Variants in BPI observed in about 807,000 individuals in gnomAD.
BPI encodes the protein bactericidal permeability increasing protein.
In BPI, 48 loss-of-function variants were observed where a neutral mutation model predicts 57.6. That is an observed-to-expected ratio of 0.83 (90% CI 0.66 to 1.06). BPI has a LOEUF of 1.06. BPI is among the 50% of genes least tolerant of loss of function. The pLI, the probability that BPI is intolerant of heterozygous loss-of-function variation, is 0.00. For synonymous variants in BPI, 237 were observed against 238.2 expected, an observed-to-expected ratio of 0.99 and a Z score of 0.05; for missense variants, 651 against 609.7, an observed-to-expected ratio of 1.07 and a Z score of -0.71.
intron 12 of BPI, 22 bp downstream of exon 12, chr20:38,331,112 G>A (rs1305733743): frequency 6.2e-7 from 1 of 1,612,910 alleles, no homozygotes; most frequent in East Asian, 2.2e-5. Context: ...GCCCTTGGTG[G>A]CTTCTTCCTC....
chr20:38,318,524 G>T lies in BPI; in HGVS notation c.664+48G>T, dbSNP rs138046146. The T allele has an allele frequency of 1.8e-3, 2,923 of 1,589,480 alleles. 44 individuals are homozygous for T. The African/African-American group carries it at 0.033, about 18-fold the overall frequency. ...GGATAGAAAGGAACAGAAATGGGAG[G>T]GGGTGAGGACGTCAGGGTGGATGTG... On this transcript the variant is annotated intron_variant, in intron 6 of 14. Coordinates refer to ENST00000642449, the MANE Select transcript of BPI (RefSeq NM_001725.3).
At chr20:38,330,903 G>C (rs1441762385) in intron 11 of BPI, 145 bp from the exon 12 acceptor site, 1 of 871,198 alleles carries the variant, frequency 1.1e-6, no homozygotes, top group East Asian at 2.5e-5. Context: ...GCAACATCGG[G>C]GGGCTGTGAC....
chr20:38,304,358 C>T lies in BPI; in HGVS notation c.130+5C>T. ...CCCAGAAGGGCCTGGACTACGGTAA[C>T]TGGATGCCTCCCTTCCCTCCTCTCC... On this transcript the variant is annotated splice_donor_5th_base_variant and intron_variant, in intron 1 of 14. Coordinates refer to ENST00000642449, the MANE Select transcript of BPI (RefSeq NM_001725.3). The T allele has an allele frequency of 6.2e-7, 1 of 1,612,554 alleles. No individual in the cohort carries two copies. The highest frequency in any genetic ancestry group is 8.5e-7 in the Non-Finnish European group (1 of 1,179,964).
chr20:38,305,424 C>A (rs546264142), intron 1 of BPI, among the ~76,000 whole-genome samples: 1 of 152,300 alleles, frequency 6.6e-6, no homozygotes, highest in South Asian at 2.1e-4. Context: ...TTCTGAAATG[C>A]AGCAAATCCC....
Position 38,337,211 on chromosome 20 carries a change from A to G in BPI, c.*27A>G. 1 of 1,576,020 alleles carries G rather than the reference A, an allele frequency of 6.3e-7. No individual in the cohort carries two copies. The highest frequency in any genetic ancestry group is 1.2e-5 in the South Asian group (1 of 85,316). On this transcript the variant is annotated 3_prime_UTR_variant, in exon 15 of 15. Transcript: ENST00000642449. ...GGCACCAGGGGTGCCGGGGGCTGTC[A>G]GCCACACCTGTTCCTGATGGGCTGT...
At chr20:38,317,665 A>G (rs1400820763) in intron 5 of BPI, 1 of 766,084 alleles carries the variant, frequency 1.3e-6, no homozygotes. Context: ...TTCTAGTGGC[A>G]AGTTCACAGA....
intron 1 of BPI, among the ~76,000 whole-genome samples, chr20:38,306,723 G>A (rs895493857): frequency 5.9e-5 from 9 of 152,202 alleles, no homozygotes; most frequent in South Asian, 2.1e-4. Flanking sequence ...CTGTGGGGGT[G>A]TAGCATAGAG....
chr20:38,320,262 T>C lies in BPI; in HGVS notation c.744T>C (p.Asp248=), dbSNP rs146977942. 1.8e-5 allele frequency: 29 copies of C among 1,613,846 alleles called. No individual in the cohort carries two copies. The African/African-American group carries it at 3.3e-4, about 19-fold the overall frequency. Residue 248 remains aspartate (D), a synonymous_variant, in exon 7 of 15, where the codon GAT becomes GAC. Coordinates refer to ENST00000642449, the MANE Select transcript of BPI (RefSeq NM_001725.3). ...APPATTAETL[D]VQMKGEFYSE... is the part of the protein sequence containing the mutation. ...CAGCAACCACGGCTGAGACCCTGGA[T>C]GTACAGATGAAGGTGAGGCTGACAC...
rs570363711 is a variant in BPI at position 38,321,372 on chromosome 20, C to T, written c.756+1098C>T. ...ACCACCCTCCAACCAGACACACTGG[C>T]CTTACACTTCCTCAAATAGGTTAAG... On this transcript the variant is annotated intron_variant, in intron 7 of 14. Coordinates refer to ENST00000642449, the MANE Select transcript of BPI (RefSeq NM_001725.3). Among the ~76,000 whole-genome samples the T allele has an allele frequency of 3.3e-5, 5 of 152,126 alleles. No homozygotes were observed. The South Asian group carries it at 1.0e-3, about 32-fold the overall frequency.
rs185095247 is a variant in BPI, at chr20:38,326,237, C to T, written c.994-28C>T. 250 of 1,591,766 alleles carry T rather than the reference C, an allele frequency of 1.6e-4. No homozygotes were observed. In the African/African-American group the frequency reaches 2.9e-3, roughly 19 times the overall value. ...ACATTTTAACAGAAACTCCTCCTTTCGTTGATTGTCTCCACTGGGGGCTGC... is the reference window on the plus strand; with the variant it reads ...ACATTTTAACAGAAACTCCTCCTTTTGTTGATTGTCTCCACTGGGGGCTGC... On this transcript the variant is annotated intron_variant, in intron 9 of 14. Transcript: ENST00000642449.
intron 12 of BPI, among the ~76,000 whole-genome samples, chr20:38,331,914 T>C (rs1304825140): frequency 6.7e-6 from 1 of 149,418 alleles, no homozygotes; most frequent in East Asian, 2.0e-4. Flanking sequence ...AAAGCGGGGA[T>C]GGGCGGAAAG....
intron 5 of BPI, among the ~76,000 whole-genome samples, chr20:38,312,595 T>A (rs2076627027): frequency 6.6e-6 from 1 of 152,240 alleles, no homozygotes; most frequent in South Asian, 2.1e-4. Flanking sequence ...TGGAAGCCAC[T>A]GAAGGTTTTA....
Position 38,304,160 on chromosome 20 carries a change from T to C in BPI, c.-64T>C. The C allele has an allele frequency of 1.9e-6, 3 of 1,606,380 alleles. No homozygotes were observed. Among genetic ancestry groups the C allele is most frequent in the Non-Finnish European group, 2.6e-6 (3 of 1,174,410 alleles). On this transcript the variant is annotated 5_prime_UTR_variant, in exon 1 of 15. Coordinates refer to ENST00000642449, the MANE Select transcript of BPI (RefSeq NM_001725.3). The stretch of plus-strand genomic sequence containing the variant: ...CTTGCATTTCCCCAGCCGACTCTTT[T>C]ATAGCTCCCTGGTTCAACCTCAAGG...
rs2076623717 is a variant in BPI, at chr20:38,311,902, A to T, written c.565A>T (p.Ile189Phe). 1 of 1,614,062 alleles carries T rather than the reference A, an allele frequency of 6.2e-7. No individual in the cohort carries two copies. Among genetic ancestry groups the T allele is most frequent in the African/African-American group, 1.3e-5 (1 of 75,000 alleles). ...GWLIQLFHKKIESALRNKMNS... is the reference protein window; with the variant it reads ...GWLIQLFHKKFESALRNKMNS... The stretch of plus-strand genomic sequence containing the variant: ...GCTGATCCAACTCTTCCACAAAAAA[A>T]TTGAGTCTGCGCTTCGAAACAAGAT... The change falls in exon 5 of 15, where the codon ATT becomes TTT. Residue 189 changes from isoleucine (I) to phenylalanine (F), a missense_variant. Ile to Phe is a conservative substitution (Grantham distance 21). Coordinates refer to ENST00000642449, the MANE Select transcript of BPI (RefSeq NM_001725.3).
intron 8 of BPI, 60 bp from the exon 9 acceptor site, chr20:38,324,713 AC>A: frequency 7.2e-7 from 1 of 1,384,590 alleles, no homozygotes; most frequent in Non-Finnish European, 1.0e-6. Flanking sequence ...TACAGAACTC[AC>A]CCCCTCTGCT....
At chr20:38,324,867 C>CG in intron 9 of BPI, 34 bp downstream of exon 9, 1 of 1,560,776 alleles carries the variant, frequency 6.4e-7, no homozygotes, top group Non-Finnish European at 8.8e-7. Context: ...TAGTGAGCCC[C>CG]GGGGGTTCTG....
intron 12 of BPI, among the ~76,000 whole-genome samples, 193 bp from the exon 13 acceptor site, chr20:38,334,237 T>C (rs2076755927): frequency 6.6e-6 from 1 of 152,188 alleles, no homozygotes; most frequent in Non-Finnish European, 1.5e-5. Context: ...AAGAAACCAC[T>C]TCCATGACCT....
rs749899761 is a variant in BPI, at chr20:38,304,318, T to G, written c.95T>G (p.Val32Gly). The G allele has an allele frequency of 1.9e-6, 3 of 1,614,070 alleles. No individual in the cohort carries two copies. The Admixed American group carries it at 5.0e-5, about 27-fold the overall frequency. Reference protein sequence around the residue: ...TAVTAAVNPGVVVRISQKGLD... With the variant: ...TAVTAAVNPGGVVRISQKGLD... Reference sequence around the variant, plus strand: ...GTGACAGCGGCCGTCAACCCTGGCGTCGTGGTCAGGATCTCCCAGAAGGGC... The same window carrying G: ...GTGACAGCGGCCGTCAACCCTGGCGGCGTGGTCAGGATCTCCCAGAAGGGC... Residue 32 changes from valine (V) to glycine (G), a missense_variant, in exon 1 of 15, where the codon GTC becomes GGC. Physicochemically the swap from Val to Gly is moderately radical, Grantham distance 109. Transcript: ENST00000642449.
At chr20:38,319,188 T>A (rs1001582152) in intron 6 of BPI, among the ~76,000 whole-genome samples, 1 of 152,116 alleles carries the variant, frequency 6.6e-6, no homozygotes, top group Non-Finnish European at 1.5e-5. Context: ...TGAGCCAAGA[T>A]CATGCCACTG....
Sources: gnomAD v4.1 joint callset for allele counts (sites outside exome capture counted in the v4.1 genomes callset) on GRCh38, gnomAD v4.1.1 for gene constraint, MANE v1.5 for transcripts, NCBI Gene and HGNC (gene_info 2026-07-23, HGNC 2026-07-21) for gene names.